TRIP11: variants seen among roughly 807,000 people sequenced by gnomAD.
TRIP11 encodes the protein thyroid receptor-interacting protein 11.
In TRIP11, 148 loss-of-function variants were observed where a neutral mutation model predicts 223.1. The ratio of observed to expected loss-of-function variants is 0.66; its 90% CI spans 0.58 to 0.76. The LOEUF is 0.76. Among genes scored for constraint, TRIP11 ranks in the 30% least tolerant of loss-of-function variants. The probability of loss-of-function intolerance (pLI) is 0.00; values close to 1 mark genes in which losing one functional copy is unlikely to be tolerated. For missense variants in TRIP11, 2,043 were observed against 2,222.0 expected, an observed-to-expected ratio of 0.92 and a Z score of 1.62; for synonymous variants, 762 against 772.6, an observed-to-expected ratio of 0.99 and a Z score of 0.23.
chr14:91,966,522 TC>T lies in TRIP11; in HGVS notation c.*3150del. ...CTACTGTCCCTGAAGACATAGCTTT[TC>T]CCCCCATTGATTGGATAAGTATTTT... is the stretch of plus-strand genomic sequence containing the variant. On this transcript the variant is annotated 3_prime_UTR_variant, in exon 21 of 21. Coordinates refer to ENST00000267622, the MANE Select transcript of TRIP11 (RefSeq NM_004239.4). 5.0e-6 allele frequency: 1 copy of T among 198,948 alleles called. No homozygotes were observed. The highest frequency in any genetic ancestry group is 1.0e-5 in the Non-Finnish European group (1 of 96,202). The allele number at this position is 198,948 out of a possible 1,614,324, so 12.3% of individuals were successfully genotyped here.
At chr14:92,026,974 C>G (rs2057197213) in intron 2 of TRIP11, 1 of 960,772 alleles carries the variant, frequency 1.0e-6, no homozygotes, top group African/African-American at 1.6e-5. Context: ...TAAACGTGGT[C>G]ACCTTCAAGT....
Position 92,035,560 on chromosome 14 carries a change from T to C in TRIP11, c.140-2307A>G, listed in dbSNP as rs76132256. Among the ~76,000 whole-genome samples the C allele has an allele frequency of 5.4e-3, 781 of 145,398 alleles. 10 individuals are homozygous for C. The highest frequency in any genetic ancestry group is 0.019 in the African/African-American group (717 of 38,538). ...AAAAAAAAAAAAATCGCAAAAAACC[T>C]CATTTTTTATTTATTTATTTATTTA... is the stretch of plus-strand genomic sequence containing the variant. On this transcript the variant is annotated intron_variant, in intron 1 of 20. Transcript: ENST00000267622.
At chr14:91,985,127 G>A (rs1270082116) in intron 16 of TRIP11, among the ~76,000 whole-genome samples, 1 of 152,172 alleles carries the variant, frequency 6.6e-6, no homozygotes, top group Non-Finnish European at 1.5e-5. Context: ...ATGGAATGCT[G>A]CCTGACCCTT....
Position 92,003,911 on chromosome 14 carries a change from T to C in TRIP11, c.4065A>G (p.Ser1355=). The C allele has an allele frequency of 6.2e-7, 1 of 1,614,118 alleles. No homozygotes were observed. Among genetic ancestry groups the C allele is most frequent in the Non-Finnish European group, 8.5e-7 (1 of 1,180,036 alleles). ...TAATTGTTGCATCTTTTTCCTGTAGTGATTTTCTTAGCTCTTCTAACTCTT... is the reference window on the plus strand; with the variant it reads ...TAATTGTTGCATCTTTTTCCTGTAGCGATTTTCTTAGCTCTTCTAACTCTT... ...LQQELEELRK[S]LQEKDATIRT... is the part of the protein sequence containing the mutation. Residue 1355 remains serine, a synonymous_variant, in exon 11 of 21, where the codon TCA becomes TCG. Transcript: ENST00000267622.
intron 1 of TRIP11, among the ~76,000 whole-genome samples, chr14:92,033,952 GC>G: frequency 6.6e-6 from 1 of 152,200 alleles, no homozygotes; most frequent in East Asian, 1.9e-4. Context: ...GCTTTCTAAG[GC>G]CCACTGCTTT....
At chr14:92,003,379 A>G (rs1203905676) in intron 11 of TRIP11, 40 bp downstream of exon 11, 2 of 1,608,790 alleles carry the variant, frequency 1.2e-6, no homozygotes, top group Non-Finnish European at 1.7e-6. Flanking sequence ...AGTCTCCTCC[A>G]CCCCCAACTT....
chr14:92,034,287 G>A (rs966199856), intron 1 of TRIP11, among the ~76,000 whole-genome samples: 25 of 152,254 alleles, frequency 1.6e-4, no homozygotes, highest in African/African-American at 5.8e-4. Flanking sequence ...GCCGGGTGTG[G>A]TGGCACACGC....
chr14:92,026,549 C>G, intron 2 of TRIP11: 1 of 1,254,356 alleles, frequency 8.0e-7, no homozygotes, highest in South Asian at 1.2e-5. Flanking sequence ...TGCATCGGAT[C>G]ACTGGCGTGC....
In TRIP11 at chr14:92,013,339, G is replaced by A. The variant is rs184417797; in HGVS notation, c.1186+876C>T. 6.6e-5 allele frequency among the ~76,000 whole-genome samples: 10 copies of A among 152,284 alleles called. No individual in the cohort carries two copies. In the East Asian group the frequency reaches 1.9e-3, roughly 29 times the overall value. On this transcript the variant is annotated intron_variant, in intron 7 of 20. Coordinates refer to ENST00000267622, the MANE Select transcript of TRIP11 (RefSeq NM_004239.4). ...CTAGACACTATCCTAAAGAGCGGCA[G>A]AAAGTAACTCATATAATCCTCATTA...
Position 92,039,888 on chromosome 14 carries a change from C to A in TRIP11, c.-203G>T. 9.8e-7 allele frequency: 1 copy of A among 1,017,050 alleles called. No individual in the cohort carries two copies. Among genetic ancestry groups the A allele is most frequent in the South Asian group, 1.6e-5 (1 of 62,582 alleles). 63.0% of individuals were successfully genotyped at this position (1,017,050 alleles called of 1,614,324 possible). ...GCCTGGAATTTTACCAGGGGCCCGC[C>A]TCTAGTGACACAGTCACCTACGGAG... is the stretch of plus-strand genomic sequence containing the variant. On this transcript the variant is annotated 5_prime_UTR_variant, in exon 1 of 21. The change creates a new upstream start codon in the 5' untranslated region. Transcript: ENST00000267622.
chr14:91,984,476 T>A (rs1595371744), intron 16 of TRIP11, among the ~76,000 whole-genome samples: 1 of 152,026 alleles, frequency 6.6e-6, no homozygotes, highest in Admixed American at 6.5e-5. Context: ...CCACCATGCC[T>A]GGCTAATTTT....
At chr14:92,032,395 C>CCCA (rs2057277047) in intron 2 of TRIP11, among the ~76,000 whole-genome samples, 1 of 152,168 alleles carries the variant, frequency 6.6e-6, no homozygotes, top group East Asian at 1.9e-4. Context: ...AAGTGATCCA[C>CCCA]CCACCTCGGC....
Position 92,011,790 on chromosome 14 carries a change from C to T in TRIP11, c.1192G>A (p.Glu398Lys), listed in dbSNP as rs747934680. Residue 398 changes from glutamate to lysine, a missense_variant, in exon 8 of 21, where the codon GAA (glutamate) becomes AAA (lysine). Glu to Lys is a moderately conservative substitution (Grantham distance 56, BLOSUM62 1). Coordinates refer to ENST00000267622, the MANE Select transcript of TRIP11 (RefSeq NM_004239.4). Reference protein sequence around the residue: ...FRLQQALSDAENEIMRLSSLN... With the variant: ...FRLQQALSDAKNEIMRLSSLN... ...CTACTCAATCTCATTATTTCATTTT[C>T]GGCATCTGTAAAAACAGCAAATGAA... 17 of 1,611,570 alleles carry T rather than the reference C, an allele frequency of 1.1e-5. No individual in the cohort carries two copies. The highest frequency in any genetic ancestry group is 9.4e-5 in the African/African-American group (7 of 74,852).
At chr14:92,001,479 T>A (rs959116115) in intron 11 of TRIP11, among the ~76,000 whole-genome samples, 1 of 151,976 alleles carries the variant, frequency 6.6e-6, no homozygotes, top group Non-Finnish European at 1.5e-5. Context: ...TAAAAAAAGA[T>A]GTTACTCATT....
chr14:91,983,740 A>C (rs777939388), intron 16 of TRIP11, among the ~76,000 whole-genome samples: 7 of 152,206 alleles, frequency 4.6e-5, no homozygotes, highest in Admixed American at 6.5e-5. Flanking sequence ...ACTTCTGCCA[A>C]AAACATCTAT....
chr14:91,974,484 C>A, intron 19 of TRIP11, 143 bp downstream of exon 19: 1 of 677,654 alleles, frequency 1.5e-6, no homozygotes, highest in Non-Finnish European at 2.6e-6. Context: ...AGCTTAATCA[C>A]CTCTCTGGAA....
chr14:91,992,079 CA>C (rs3031548), intron 15 of TRIP11, among the ~76,000 whole-genome samples: 20,138 of 59,430 alleles, frequency 0.34, 479 homozygotes, highest in Middle Eastern at 0.41. Context: ...AACGCCGTCT[CA>C]AAAAAAAAAA....
At chr14:92,012,395 G>A (rs1007030158) in intron 7 of TRIP11, among the ~76,000 whole-genome samples, 2 of 152,190 alleles carry the variant, frequency 1.3e-5, no homozygotes, top group African/African-American at 4.8e-5. Context: ...TAGACAAAAA[G>A]CTGGTAAAAT....
At chr14:91,991,055 A>G (rs1215714138) in intron 15 of TRIP11, among the ~76,000 whole-genome samples, 3 of 152,196 alleles carry the variant, frequency 2.0e-5, no homozygotes, top group African/African-American at 4.8e-5. Context: ...GCTTGAATGT[A>G]TACCCACAAG....
Sources: gnomAD v4.1 joint callset for allele counts (sites outside exome capture counted in the v4.1 genomes callset) on GRCh38, gnomAD v4.1.1 for gene constraint, MANE v1.5 for transcripts, NCBI Gene and HGNC (gene_info 2026-07-23, HGNC 2026-07-21) for gene names.